The following ERBB4 variants were observed in gnomAD, a reference collection of about 807,000 sequenced individuals.
ERBB4 encodes the protein erb-b2 receptor tyrosine kinase 4.
In ERBB4, 42 loss-of-function variants were observed where a neutral mutation model predicts 158.0. The observed-to-expected ratio is 0.27, with a 90% confidence interval of 0.21 to 0.34. The LOEUF (loss-of-function observed/expected upper bound fraction) is 0.34. ERBB4 is among the 10% of genes least tolerant of loss of function. The pLI, the probability that ERBB4 is intolerant of heterozygous loss-of-function variation, is 1.00. For missense variants in ERBB4, 1,333 were observed against 1,624.1 expected (o/e 0.82, Z 3.08); for synonymous variants, 583 against 558.7 (o/e 1.04, Z -0.61).
chr2:212,307,811 T>A (rs993006864), intron 1 of ERBB4, among the ~76,000 whole-genome samples: 1 of 151,092 alleles, frequency 6.6e-6, no homozygotes, highest in African/African-American at 2.4e-5. Context: ...CTTTTGAAAA[T>A]TAAAATATTT....
At chr2:211,579,802 G>T (rs2068012664) in intron 19 of ERBB4, among the ~76,000 whole-genome samples, 1 of 151,864 alleles carries the variant, frequency 6.6e-6, no homozygotes, top group African/African-American at 2.4e-5. Flanking sequence ...CTGTCAGGGG[G>T]TGGGGTTGGG....
At chr2:211,572,795 C>T (rs1465028053) in intron 19 of ERBB4, among the ~76,000 whole-genome samples, 3 of 152,170 alleles carry the variant, frequency 2.0e-5, no homozygotes, top group African/African-American at 7.2e-5. Context: ...CTACTGGGAT[C>T]CTTCTAATGT....
intron 2 of ERBB4, among the ~76,000 whole-genome samples, chr2:211,953,116 TC>T (rs1312544678): frequency 6.6e-6 from 1 of 151,910 alleles, no homozygotes; most frequent in Non-Finnish European, 1.5e-5. Flanking sequence ...ATGCTTAAGG[TC>T]TTTTTAGATA....
chr2:212,035,425 A>G (rs2125358502), intron 2 of ERBB4, among the ~76,000 whole-genome samples: 1 of 152,298 alleles, frequency 6.6e-6, no homozygotes, highest in South Asian at 2.1e-4. Context: ...ACTTCTAACT[A>G]GTTCCATCCA....
At chr2:212,125,694 T>C (rs1275812238) in intron 1 of ERBB4, among the ~76,000 whole-genome samples, 1 of 152,242 alleles carries the variant, frequency 6.6e-6, no homozygotes, top group Non-Finnish European at 1.5e-5. Context: ...CCTGCTTTAG[T>C]TTGCTAAGGA....
chr2:211,824,967 T>C (rs1336499359), intron 3 of ERBB4, among the ~76,000 whole-genome samples: 2 of 151,994 alleles, frequency 1.3e-5, no homozygotes, highest in Non-Finnish European at 2.9e-5. Flanking sequence ...GTAAAACTTC[T>C]GTATCTTACC....
intron 4 of ERBB4, among the ~76,000 whole-genome samples, chr2:211,766,890 G>C (rs546438063): frequency 1.3e-5 from 2 of 152,258 alleles, no homozygotes; most frequent in South Asian, 4.2e-4. Context: ...CCTGAAACCG[G>C]TCAGACTGGT....
chr2:212,090,909 T>A (rs1450462216), intron 2 of ERBB4, among the ~76,000 whole-genome samples: 1 of 152,184 alleles, frequency 6.6e-6, no homozygotes, highest in African/African-American at 2.4e-5. Flanking sequence ...TGATGACATG[T>A]GCAATTCTTC....
chr2:211,502,279 A>G (rs1404829414), intron 20 of ERBB4, among the ~76,000 whole-genome samples: 1 of 152,164 alleles, frequency 6.6e-6, no homozygotes, highest in East Asian at 1.9e-4. Context: ...TGGGAAGAAG[A>G]TATCATTTAA....
chr2:211,998,709 T>C (rs1319913934), intron 2 of ERBB4, among the ~76,000 whole-genome samples: 1 of 151,892 alleles, frequency 6.6e-6, no homozygotes, highest in African/African-American at 2.4e-5. Flanking sequence ...GCCAACCTCA[T>C]AGCTCTTTGT....
chr2:212,285,875 CA>C (rs2085942400), intron 1 of ERBB4, among the ~76,000 whole-genome samples: 1 of 152,010 alleles, frequency 6.6e-6, no homozygotes, highest in Non-Finnish European at 1.5e-5. Context: ...TAATAGATAT[CA>C]AAACAAATTT....
chr2:211,537,634 A>G (rs1434430592), intron 20 of ERBB4, among the ~76,000 whole-genome samples: 1 of 151,964 alleles, frequency 6.6e-6, no homozygotes, highest in Non-Finnish European at 1.5e-5. Context: ...ATTTCCCTTA[A>G]GTACATTCCT....
chr2:212,472,162 T>G (rs1156677482), intron 1 of ERBB4, among the ~76,000 whole-genome samples: 2 of 151,926 alleles, frequency 1.3e-5, no homozygotes, highest in Non-Finnish European at 2.9e-5. Flanking sequence ...GTTCAATAAA[T>G]GAGTATAGTA....
intron 20 of ERBB4, among the ~76,000 whole-genome samples, chr2:211,558,709 A>G (rs1482945114): frequency 6.6e-6 from 1 of 152,090 alleles, no homozygotes; most frequent in Non-Finnish European, 1.5e-5. Flanking sequence ...CCAACATATA[A>G]ACATAGTGTT....
rs955001138 is a variant in ERBB4 at position 211,722,518 on chromosome 2, T to C, written c.758A>G (p.Asn253Ser). 20 of 1,613,942 alleles carry C rather than the reference T, an allele frequency of 1.2e-5. No homozygotes were observed. Among genetic ancestry groups the C allele is most frequent in the Non-Finnish European group, 1.6e-5 (19 of 1,179,938 alleles). ...CTGAGTAACACATGCTCCACTGTCA[T>C]TGAAATTCATGCAGGCCTGCAACAC... The part of the protein sequence containing the change: ...DTDCFACMNF[N>S]DSGACVTQCP... Residue 253 changes from asparagine (N) to serine (S), a missense_variant, in exon 7 of 28, where the codon AAT becomes AGT. By Grantham distance (46) the Asn-to-Ser change is conservative (BLOSUM62 1). This residue lies in a region of ERBB4 where 438 missense variants were observed against 586.9 expected (regional missense o/e 0.75). Coordinates refer to ENST00000342788, the MANE Select transcript of ERBB4 (RefSeq NM_005235.3).
At chr2:211,860,993 TAATATA>T (rs2078000629) in intron 3 of ERBB4, among the ~76,000 whole-genome samples, 1 of 65,134 alleles carries the variant, frequency 1.5e-5, no homozygotes, top group Non-Finnish European at 2.7e-5. Flanking sequence ...TTATATAATA[TAATATA>T]TTATATATTT....
intron 20 of ERBB4, among the ~76,000 whole-genome samples, chr2:211,485,256 G>C (rs115198609): frequency 2.2e-3 from 336 of 151,910 alleles, no homozygotes; most frequent in Middle Eastern, 0.014. Context: ...CTTTGCTTCA[G>C]GATGCCAGAT....
intron 3 of ERBB4, among the ~76,000 whole-genome samples, chr2:211,886,179 C>T (rs902152384): frequency 6.6e-6 from 1 of 152,146 alleles, no homozygotes; most frequent in East Asian, 1.9e-4. Context: ...CTCTAACTTG[C>T]TTTTTATTCA....
intron 23 of ERBB4, among the ~76,000 whole-genome samples, chr2:211,423,334 G>T (rs1215079350): frequency 6.6e-6 from 1 of 151,824 alleles, no homozygotes; most frequent in Non-Finnish European, 1.5e-5. Flanking sequence ...GTAGACCTGG[G>T]TCCAAAGTCT....
Sources: allele counts gnomAD v4.1 joint callset (sites outside exome capture counted in the v4.1 genomes callset), GRCh38; gene constraint gnomAD v4.1.1; regional missense constraint gnomAD v4.1.1; transcripts MANE v1.5; gene names NCBI Gene and HGNC (gene_info 2026-07-23, HGNC 2026-07-21).